CYP19A1: variants seen among roughly 807,000 people sequenced by gnomAD.
The protein encoded by CYP19A1 is cytochrome P450 family 19 subfamily A member 1, also known as aromatase.
Under a neutral mutation model 44.4 loss-of-function variants are expected in CYP19A1, and 32 were observed. The observed-to-expected ratio is 0.72, with a 90% CI of 0.54 to 0.97. CYP19A1 has a LOEUF of 0.97. CYP19A1 is among the 50% of genes least tolerant of loss of function. CYP19A1 has a pLI of 0.00. For synonymous variants in CYP19A1, 212 were observed against 215.6 expected, an observed-to-expected ratio of 0.98 and a Z score of 0.14; for missense variants, 598 against 637.8, an observed-to-expected ratio of 0.94 and a Z score of 0.67.
chr15:51,243,203 C>T (rs1485465719), intron 1 of CYP19A1: 5 of 398,826 alleles, frequency 1.3e-5, no homozygotes, highest in African/African-American at 8.2e-5. Flanking sequence ...CTGATAGAAC[C>T]TTATCATCTT....
chr15:51,234,437 C>T (rs1196711781), intron 3 of CYP19A1, among the ~76,000 whole-genome samples: 3 of 152,178 alleles, frequency 2.0e-5, no homozygotes, highest in East Asian at 3.9e-4. Flanking sequence ...TTAAGACTAG[C>T]GGAGTGGTCA....
At chr15:51,237,390 A>G (rs1168163238) in intron 2 of CYP19A1, among the ~76,000 whole-genome samples, 1 of 152,168 alleles carries the variant, frequency 6.6e-6, no homozygotes, top group Non-Finnish European at 1.5e-5. Flanking sequence ...ATGAGTGACA[A>G]TCTGGCAGAT....
At chr15:51,311,349 G>A (rs1414127994) in intron 1 of CYP19A1, among the ~76,000 whole-genome samples, 1 of 152,120 alleles carries the variant, frequency 6.6e-6, no homozygotes, top group Non-Finnish European at 1.5e-5. Flanking sequence ...TCACTGGATG[G>A]GCCCAATAGC....
intron 5 of CYP19A1, 43 bp from the exon 6 acceptor site, chr15:51,218,698 A>G (rs1160642162): frequency 3.8e-6 from 6 of 1,582,716 alleles, no homozygotes; most frequent in Non-Finnish European, 5.2e-6. Context: ...AGAGCAGTTG[A>G]GCAAAATGTG....
At chr15:51,268,034 G>A (rs1313775044) in intron 1 of CYP19A1, among the ~76,000 whole-genome samples, 1 of 152,218 alleles carries the variant, frequency 6.6e-6, no homozygotes, top group Non-Finnish European at 1.5e-5. Flanking sequence ...CAGAGCACGT[G>A]TCAAATCTTT....
intron 3 of CYP19A1, among the ~76,000 whole-genome samples, chr15:51,233,235 A>AC (rs2033159177): frequency 6.6e-6 from 1 of 151,910 alleles, no homozygotes; most frequent in Non-Finnish European, 1.5e-5. Flanking sequence ...TCTGCCTGAT[A>AC]AGTGTGACCA....
intron 1 of CYP19A1, among the ~76,000 whole-genome samples, chr15:51,260,661 T>A (rs1240000848): frequency 2.0e-5 from 3 of 152,214 alleles, no homozygotes; most frequent in African/African-American, 7.2e-5. Flanking sequence ...TGACCGCACC[T>A]ACCTTTAAAC....
At chr15:51,239,582 A>C (rs1161816073) in intron 2 of CYP19A1, among the ~76,000 whole-genome samples, 3 of 152,282 alleles carry the variant, frequency 2.0e-5, no homozygotes, top group African/African-American at 7.2e-5. Context: ...CCTTTAAAAC[A>C]AGGCAAAATT....
intron 4 of CYP19A1, among the ~76,000 whole-genome samples, chr15:51,224,013 A>G (rs1253201096): frequency 6.6e-6 from 1 of 152,220 alleles, no homozygotes; most frequent in Non-Finnish European, 1.5e-5. Context: ...TGATGTAGAT[A>G]TGATTTAATT....
At position 51,209,114 on chromosome 15, in the gene CYP19A1, T is replaced by TAC. The variant is rs1363112842; in HGVS notation, c.*1692_*1693dup. On this transcript the variant is annotated 3_prime_UTR_variant, in exon 10 of 10. Transcript: ENST00000396402. ...TGACCTGACTACATACGTATTCAGGTACACAGGCATAGTCCATATATTTTT... is the reference window on the plus strand; with the variant it reads ...TGACCTGACTACATACGTATTCAGGTACACACAGGCATAGTCCATATATTTTT... 1 of 152,222 alleles carries TAC rather than the reference T, an allele frequency of 6.6e-6. No homozygotes were observed. Among genetic ancestry groups the TAC allele is most frequent in the Non-Finnish European group, 1.5e-5 (1 of 68,034 alleles). 9.4% of individuals were successfully genotyped at this position (152,222 alleles called of 1,614,324 possible).
At chr15:51,283,519 G>A (rs940732380) in intron 1 of CYP19A1, among the ~76,000 whole-genome samples, 4 of 152,174 alleles carry the variant, frequency 2.6e-5, no homozygotes, top group Non-Finnish European at 1.5e-5. Context: ...TGGCATTGGA[G>A]GTAACTTACA....
At chr15:51,304,890 C>CTTTTTTTTTTTTTTTTTTTTTTTT (rs545247348) in intron 1 of CYP19A1, among the ~76,000 whole-genome samples, 1 of 104,572 alleles carries the variant, frequency 9.6e-6, no homozygotes, top group African/African-American at 4.8e-5. Flanking sequence ...GTGTCTCTTC[C>CTTTTTTTTTTTTTTTTTTTTTTTT]TTTTTTTTTT....
intron 1 of CYP19A1, among the ~76,000 whole-genome samples, chr15:51,271,075 A>G (rs1218673360): frequency 2.0e-5 from 3 of 152,004 alleles, no homozygotes; most frequent in Non-Finnish European, 2.9e-5. Flanking sequence ...CTGCCTTTGC[A>G]GAGAACGTCT....
chr15:51,215,681 TAC>T lies in CYP19A1; in HGVS notation c.858+20_858+21del. The T allele has an allele frequency of 6.2e-7, 1 of 1,613,930 alleles. No homozygotes were observed. On this transcript the variant is annotated intron_variant, in intron 7 of 9. Coordinates refer to ENST00000396402, the MANE Select transcript of CYP19A1 (RefSeq NM_000103.4). ...GTCATAACATATGTGGCATGGGAAT[TAC>T]AGTTAGTTCAGGTCAGTACCTCTGC...
intron 1 of CYP19A1, among the ~76,000 whole-genome samples, chr15:51,249,604 G>A (rs1187697531): frequency 2.0e-5 from 3 of 152,104 alleles, no homozygotes; most frequent in African/African-American, 4.8e-5. Context: ...TTCTAGACGC[G>A]GGAGGCAGTA....
chr15:51,281,973 G>A lies in CYP19A1; in HGVS notation c.-38-39023C>T, dbSNP rs114414706. ...CTAAGAAGGAATTAGAGGTAGAAAA[G>A]GCAAGAAAAATAATAATGAGAATAA... On this transcript the variant is annotated intron_variant, in intron 1 of 9. Coordinates refer to ENST00000396402, the MANE Select transcript of CYP19A1 (RefSeq NM_000103.4). Among the ~76,000 whole-genome samples the A allele has an allele frequency of 5.5e-3, 835 of 152,262 alleles. 11 individuals are homozygous for A. The highest frequency in any genetic ancestry group is 0.019 in the African/African-American group (804 of 41,542).
intron 1 of CYP19A1, chr15:51,322,018 C>T (rs2036536464): frequency 6.6e-6 from 1 of 152,188 alleles, no homozygotes; most frequent in South Asian, 2.1e-4. Flanking sequence ...CCACACTCAT[C>T]CCCTTCTGCA....
chr15:51,299,611 A>T (rs1037037015), intron 1 of CYP19A1, among the ~76,000 whole-genome samples: 7 of 152,250 alleles, frequency 4.6e-5, no homozygotes, highest in Non-Finnish European at 7.3e-5. Flanking sequence ...ACAAAAGGCC[A>T]TGAGGAGTGT....
At position 51,242,898 on chromosome 15, in the gene CYP19A1, C is replaced by A. The variant is rs753774964; in HGVS notation, c.15G>T (p.Met5Ile). MVLE[M>I]LNPIHYNITS... Reference sequence around the variant, plus strand: ...TGATGTTATAATGTATCGGGTTCAGCATTTCCAAAACCATCTTGTGTTCCT... The same window carrying A: ...TGATGTTATAATGTATCGGGTTCAGAATTTCCAAAACCATCTTGTGTTCCT... Residue 5 changes from methionine (M) to isoleucine (I), a missense_variant, in exon 2 of 10, where the codon ATG becomes ATT. Met to Ile is a conservative substitution (Grantham distance 10). Coordinates refer to ENST00000396402, the MANE Select transcript of CYP19A1 (RefSeq NM_000103.4). The A allele has an allele frequency of 5.0e-6, 8 of 1,611,310 alleles. No individual in the cohort carries two copies. Among genetic ancestry groups the A allele is most frequent in the Non-Finnish European group, 5.9e-6 (7 of 1,177,556 alleles).
Sources: allele counts gnomAD v4.1 joint callset (sites outside exome capture counted in the v4.1 genomes callset), GRCh38; gene constraint gnomAD v4.1.1; transcripts MANE v1.5; gene names NCBI Gene and HGNC (gene_info 2026-07-23, HGNC 2026-07-21).